Variants in KCNIP4 observed in about 807,000 individuals in gnomAD.
The protein encoded by KCNIP4 is Kv channel-interacting protein 4.
Under a neutral mutation model 34.0 loss-of-function variants are expected in KCNIP4, and 12 were observed. The observed-to-expected ratio is 0.35, with a 90% CI of 0.23 to 0.57. The LOEUF (loss-of-function observed/expected upper bound fraction) is 0.57, where lower values mean the gene tolerates loss of function less well. Ranked by LOEUF, KCNIP4 falls within the 20% of genes least tolerant of loss-of-function variation. The pLI, the probability that KCNIP4 is intolerant of heterozygous loss-of-function variation, is 0.83. For synonymous variants in KCNIP4, 124 were observed against 102.2 expected, an observed-to-expected ratio of 1.21 and a Z score of -1.29; for missense variants, 238 against 311.7, an observed-to-expected ratio of 0.76 and a Z score of 1.78.
Position 20,758,816 on chromosome 4 carries a change from C to G in KCNIP4, c.358+5G>C. ...GTATGTTAACAAGTCCACATTTGTACTTACCTCCCTGTGGAAAGAACTGCG... is the reference window on the plus strand; with the variant it reads ...GTATGTTAACAAGTCCACATTTGTAGTTACCTCCCTGTGGAAAGAACTGCG... On this transcript the variant is annotated splice_donor_5th_base_variant and intron_variant, in intron 4 of 8. Coordinates refer to ENST00000382152, the MANE Select transcript of KCNIP4 (RefSeq NM_025221.6). 1.9e-6 allele frequency: 3 copies of G among 1,608,990 alleles called. No homozygotes were observed. The highest frequency in any genetic ancestry group is 2.6e-6 in the Non-Finnish European group (3 of 1,175,632).
chr4:21,363,962 T>C (rs1033583229), intron 1 of KCNIP4, among the ~76,000 whole-genome samples: 6 of 152,122 alleles, frequency 3.9e-5, no homozygotes, highest in Middle Eastern at 3.2e-3. Flanking sequence ...AGATATCTGA[T>C]AAAGCATGAG....
chr4:21,639,156 G>A (rs1437484236), intron 1 of KCNIP4, among the ~76,000 whole-genome samples: 3 of 152,142 alleles, frequency 2.0e-5, no homozygotes, highest in Admixed American at 1.3e-4. Flanking sequence ...TTCAGGACAT[G>A]AAATGATTGT....
At chr4:21,326,591 G>A (rs1715087979) in intron 1 of KCNIP4, among the ~76,000 whole-genome samples, 1 of 150,088 alleles carries the variant, frequency 6.7e-6, no homozygotes, top group South Asian at 2.1e-4. Context: ...TTTTAATTCA[G>A]TCGTCTACTC....
chr4:21,731,109 T>A (rs1357018978), intron 1 of KCNIP4, among the ~76,000 whole-genome samples: 4 of 118,250 alleles, frequency 3.4e-5, no homozygotes, highest in Non-Finnish European at 6.5e-5. Flanking sequence ...AGTAAGAACC[T>A]GTCTCAAAAA....
At chr4:21,066,305 A>T (rs903484479) in intron 1 of KCNIP4, among the ~76,000 whole-genome samples, 3 of 152,156 alleles carry the variant, frequency 2.0e-5, no homozygotes, top group Non-Finnish European at 2.9e-5. Flanking sequence ...AGGCCAAGCA[A>T]CATGGTCAAA....
At chr4:21,823,618 G>A (rs1489848579) in intron 1 of KCNIP4, among the ~76,000 whole-genome samples, 1 of 151,798 alleles carries the variant, frequency 6.6e-6, no homozygotes, top group Non-Finnish European at 1.5e-5. Context: ...CACTAAATCA[G>A]AATAGGGTAA....
chr4:21,701,169 T>C (rs760413723), intron 1 of KCNIP4, among the ~76,000 whole-genome samples: 4 of 152,128 alleles, frequency 2.6e-5, no homozygotes, highest in Non-Finnish European at 5.9e-5. Context: ...ACAACGAATA[T>C]AGTATGATCT....
chr4:20,882,977 G>A (rs1279277930), intron 1 of KCNIP4, among the ~76,000 whole-genome samples: 3 of 144,102 alleles, frequency 2.1e-5, no homozygotes, highest in Non-Finnish European at 3.0e-5. Context: ...AACGGCAAAA[G>A]ATTAAAAAAA....
intron 1 of KCNIP4, among the ~76,000 whole-genome samples, chr4:21,357,813 T>C (rs970480671): frequency 6.6e-6 from 1 of 152,160 alleles, no homozygotes; most frequent in South Asian, 2.1e-4. Context: ...GCCATCCTAT[T>C]ACTGGGTATA....
chr4:20,955,815 G>A (rs988741773), intron 1 of KCNIP4, among the ~76,000 whole-genome samples: 7 of 152,078 alleles, frequency 4.6e-5, no homozygotes, highest in Non-Finnish European at 1.0e-4. Flanking sequence ...CACATCTATG[G>A]GATGGCATTC....
intron 1 of KCNIP4, among the ~76,000 whole-genome samples, chr4:21,408,271 C>A (rs1053986050): frequency 9.9e-5 from 15 of 152,166 alleles, no homozygotes; most frequent in Non-Finnish European, 5.9e-5. Flanking sequence ...TTCTTTGTCA[C>A]AATTTTATGC....
chr4:21,529,404 C>G (rs1736481997), intron 1 of KCNIP4, among the ~76,000 whole-genome samples: 2 of 152,300 alleles, frequency 1.3e-5, no homozygotes, highest in Non-Finnish European at 2.9e-5. Context: ...TTAAAGCACA[C>G]TTCCTCAGGT....
intron 3 of KCNIP4, among the ~76,000 whole-genome samples, chr4:20,827,046 C>T (rs946087592): frequency 6.6e-6 from 1 of 152,084 alleles, no homozygotes; most frequent in Admixed American, 6.5e-5. Flanking sequence ...GCTGGGAAGA[C>T]GTGTTATTGC....
chr4:21,474,602 C>A (rs377660197), intron 1 of KCNIP4, among the ~76,000 whole-genome samples: 1 of 152,066 alleles, frequency 6.6e-6, no homozygotes, highest in African/African-American at 2.4e-5. Context: ...AGTGATCATA[C>A]CTTTCTGCAG....
chr4:21,019,300 C>T (rs140182227), intron 1 of KCNIP4, among the ~76,000 whole-genome samples: 20 of 152,004 alleles, frequency 1.3e-4, no homozygotes, highest in African/African-American at 3.6e-4. Flanking sequence ...GGATTACAGG[C>T]GCATGCCACC....
At chr4:21,872,679 C>T (rs1413260384) in intron 1 of KCNIP4, among the ~76,000 whole-genome samples, 1 of 152,166 alleles carries the variant, frequency 6.6e-6, no homozygotes, top group African/African-American at 2.4e-5. Context: ...TTCACTCTTT[C>T]TGTGTCTCAA....
intron 1 of KCNIP4, among the ~76,000 whole-genome samples, chr4:21,353,732 T>C (rs1204610690): frequency 1.3e-5 from 2 of 152,192 alleles, no homozygotes; most frequent in African/African-American, 4.8e-5. Flanking sequence ...CTTCAGGATA[T>C]TATCCAGGAG....
At chr4:21,041,697 G>T (rs1261284751) in intron 1 of KCNIP4, among the ~76,000 whole-genome samples, 2 of 152,172 alleles carry the variant, frequency 1.3e-5, no homozygotes, top group Non-Finnish European at 2.9e-5. Flanking sequence ...TTTCGGTGAT[G>T]ACAAGAAACT....
chr4:21,293,442 T>C (rs1339521575), intron 1 of KCNIP4, among the ~76,000 whole-genome samples: 1 of 152,204 alleles, frequency 6.6e-6, no homozygotes, highest in Non-Finnish European at 1.5e-5. Context: ...CTGAGTTTCT[T>C]AGCCAATCCT....
Sources: allele counts gnomAD v4.1 joint callset (sites outside exome capture counted in the v4.1 genomes callset), GRCh38; gene constraint gnomAD v4.1.1; transcripts MANE v1.5; gene names NCBI Gene and HGNC (gene_info 2026-07-23, HGNC 2026-07-21).